VANGL2: variants seen among roughly 807,000 people sequenced by gnomAD.
VANGL2 encodes vang-like protein 2.
A neutral mutation model predicts 50.2 loss-of-function variants in VANGL2; 14 were observed. The ratio of observed to expected loss-of-function variants is 0.28; its 90% CI spans 0.18 to 0.44. The LOEUF (loss-of-function observed/expected upper bound fraction) is 0.44, where lower values mean the gene tolerates loss of function less well. Among genes scored for constraint, VANGL2 ranks in the 20% least tolerant of loss-of-function variants. The pLI is 1.00. For synonymous variants in VANGL2, 295 were observed against 297.2 expected (o/e 0.99, Z 0.08); for missense variants, 533 against 701.5 (o/e 0.76, Z 2.71).
chr1:160,423,489 C>G (rs373790307), intron 6 of VANGL2, among the ~76,000 whole-genome samples: 2 of 152,222 alleles, frequency 1.3e-5, no homozygotes, highest in Non-Finnish European at 2.9e-5. Flanking sequence ...TTTCAGTCCT[C>G]TTGTGAATTT....
rs1229234465 is a variant in VANGL2 at position 160,419,134 on chromosome 1, G to A, written c.325G>A (p.Val109Met). 1.2e-6 allele frequency: 2 copies of A among 1,614,204 alleles called. No individual in the cohort carries two copies. The highest frequency in any genetic ancestry group is 1.7e-5 in the Admixed American group (1 of 60,036). ...VPLDCSRHLG[V>M]AAGATLALLS... ...TCTGGACTGCTCCCGTCACCTGGGT[G>A]TGGCAGCGGGGGCCACCCTGGCACT... The change falls in exon 4 of 8, where the codon GTG becomes ATG. Residue 109 changes from valine (V) to methionine (M), a missense_variant. Physicochemically the swap from Val to Met is conservative, Grantham distance 21. Transcript: ENST00000368061. The surrounding 1 kb of genome is among the most constrained non-coding windows in gnomAD (Gnocchi z 5.8).
chr1:160,410,008 G>A (rs2101952795), intron 1 of VANGL2, among the ~76,000 whole-genome samples: 1 of 152,322 alleles, frequency 6.6e-6, no homozygotes, highest in Non-Finnish European at 1.5e-5. Context: ...GAAGACCCAG[G>A]CTCCTGAGTA....
intron 1 of VANGL2, among the ~76,000 whole-genome samples, chr1:160,408,817 T>C (rs1009652692): frequency 2.0e-5 from 3 of 152,144 alleles, no homozygotes; most frequent in African/African-American, 7.2e-5. Flanking sequence ...TTTCAGGGTT[T>C]AGGAATGAGG....
intron 5 of VANGL2, 37 bp from the exon 6 acceptor site, chr1:160,421,015 C>A: frequency 6.2e-7 from 1 of 1,613,580 alleles, no homozygotes; most frequent in South Asian, 1.1e-5. Context: ...AGGCCACACT[C>A]TGATGTGACC....
At position 160,427,275 on chromosome 1, in the gene VANGL2, A is replaced by C. The variant is rs1571251859; in HGVS notation, c.*1897A>C. ...CAGGGCCTGGATGGTGACTGGGGTCATTGCCTTTGTGGACAGGATGGAGTG... is the reference window on the plus strand; with the variant it reads ...CAGGGCCTGGATGGTGACTGGGGTCCTTGCCTTTGTGGACAGGATGGAGTG... On this transcript the variant is annotated 3_prime_UTR_variant, in exon 8 of 8. Transcript: ENST00000368061. 3 of 152,752 alleles carry C rather than the reference A, an allele frequency of 2.0e-5. No homozygotes were observed. In the South Asian group the frequency reaches 6.2e-4, roughly 32 times the overall value. The allele number at this position is 152,752 out of a possible 1,614,324, so 9.5% of individuals were successfully genotyped here.
chr1:160,414,515 G>A (rs887949950), intron 1 of VANGL2, among the ~76,000 whole-genome samples: 1 of 152,130 alleles, frequency 6.6e-6, no homozygotes, highest in Non-Finnish European at 1.5e-5. Context: ...CTTACTCCAT[G>A]GGTGTCTCTC....
chr1:160,424,067 G>A lies in VANGL2; in HGVS notation c.1089G>A (p.Val363=). ...TGTCCCCTAGGCTTGTAGTGGCGGTGGAGGAGGCCTTCACTCACATTAAGC... is the reference window on the plus strand; with the variant it reads ...TGTCCCCTAGGCTTGTAGTGGCGGTAGAGGAGGCCTTCACTCACATTAAGC... The part of the protein sequence containing the change: ...RKRRARLVVA[V]EEAFTHIKRL... Residue 363 remains valine (V), a synonymous_variant, in exon 7 of 8, where the codon GTG becomes GTA. Coordinates refer to ENST00000368061, the MANE Select transcript of VANGL2 (RefSeq NM_020335.3). The A allele has an allele frequency of 6.2e-7, 1 of 1,614,034 alleles. No homozygotes were observed. The highest frequency in any genetic ancestry group is 8.5e-7 in the Non-Finnish European group (1 of 1,179,902).
At chr1:160,421,705 T>C (rs1242386868) in intron 6 of VANGL2, among the ~76,000 whole-genome samples, 1 of 152,190 alleles carries the variant, frequency 6.6e-6, no homozygotes, top group Non-Finnish European at 1.5e-5. Context: ...CTGCAAAATG[T>C]ACCAAGATTG....
At chr1:160,401,490 G>A (rs1650461621) in intron 1 of VANGL2, among the ~76,000 whole-genome samples, 1 of 152,100 alleles carries the variant, frequency 6.6e-6, no homozygotes, top group South Asian at 2.1e-4. Flanking sequence ...TACCCATCTG[G>A]GGGACTGTGG....
intron 3 of VANGL2, 109 bp downstream of exon 3, chr1:160,416,291 C>T (rs1273640133): frequency 1.3e-6 from 2 of 1,577,482 alleles, no homozygotes; most frequent in African/African-American, 1.3e-5. Flanking sequence ...CTCAGACAGC[C>T]ATCAGATCGG....
intron 1 of VANGL2, among the ~76,000 whole-genome samples, chr1:160,410,735 C>A (rs1354403117): frequency 6.6e-6 from 1 of 152,098 alleles, no homozygotes; most frequent in Non-Finnish European, 1.5e-5. Flanking sequence ...GCCCTGCTCC[C>A]TCTGCCTGTT....
rs528151412 is a variant in VANGL2 at position 160,419,908 on chromosome 1, G to A, written c.800+299G>A. 4.0e-5 allele frequency among the ~76,000 whole-genome samples: 6 copies of A among 148,298 alleles called. No individual in the cohort carries two copies. Among genetic ancestry groups the A allele is most frequent in the African/African-American group, 1.2e-4 (5 of 40,476 alleles). ...GACCAAAGGGAAGAAATATGGGGGG[G>A]TGCACAAACAGGGGCTTTTTGGAAT... On this transcript the variant is annotated intron_variant, in intron 4 of 7. Coordinates refer to ENST00000368061, the MANE Select transcript of VANGL2 (RefSeq NM_020335.3). This position sits in a 1 kb window ranked among gnomAD's most constrained non-coding sequence, Gnocchi z 5.8.
At chr1:160,401,221 T>C (rs1309333997) in intron 1 of VANGL2, among the ~76,000 whole-genome samples, 1 of 151,446 alleles carries the variant, frequency 6.6e-6, no homozygotes, top group Non-Finnish European at 1.5e-5. Context: ...GGAGCTTGTG[T>C]TGGAGGTGGG....
intron 1 of VANGL2, among the ~76,000 whole-genome samples, chr1:160,414,529 G>T (rs1007694891): frequency 1.3e-5 from 2 of 152,160 alleles, no homozygotes; most frequent in Non-Finnish European, 2.9e-5. Context: ...GTCTCTCATA[G>T]TTTGCTGTTC....
At chr1:160,402,785 G>T (rs1376040989) in intron 1 of VANGL2, among the ~76,000 whole-genome samples, 1 of 152,016 alleles carries the variant, frequency 6.6e-6, no homozygotes, top group African/African-American at 2.4e-5. Flanking sequence ...AGAAGCCACA[G>T]CTCCCTTCTC....
At chr1:160,410,369 C>G (rs561845669) in intron 1 of VANGL2, among the ~76,000 whole-genome samples, 1 of 152,230 alleles carries the variant, frequency 6.6e-6, no homozygotes, top group Non-Finnish European at 1.5e-5. Context: ...CTTCCGTGGC[C>G]TACTCACCCT....
rs559155676 is a variant in VANGL2 at position 160,427,573 on chromosome 1, A to C, written c.*2195A>C. On this transcript the variant is annotated 3_prime_UTR_variant, in exon 8 of 8. Transcript: ENST00000368061. ...TTTTTTCATTATTATTATTATTATT[A>C]TTATTATTATTACTATTGTTTTTTA... is the stretch of plus-strand genomic sequence containing the variant. 2.7e-4 allele frequency: 40 copies of C among 149,646 alleles called. No individual in the cohort carries two copies. The highest frequency in any genetic ancestry group is 9.6e-4 in the African/African-American group (39 of 40,816). The allele number at this position is 149,646 out of a possible 1,614,324, so 9.3% of individuals were successfully genotyped here.
chr1:160,408,302 G>A (rs1650754405), intron 1 of VANGL2, among the ~76,000 whole-genome samples: 1 of 152,054 alleles, frequency 6.6e-6, no homozygotes, highest in Non-Finnish European at 1.5e-5. Flanking sequence ...TATGCGTATG[G>A]GTGGGTATTT....
chr1:160,412,356 C>A (rs1163421975), intron 1 of VANGL2, among the ~76,000 whole-genome samples: 2 of 151,996 alleles, frequency 1.3e-5, no homozygotes, highest in African/African-American at 4.8e-5. Flanking sequence ...CCCTTCTCTA[C>A]CCCCATGTCA....
Sources: allele counts gnomAD v4.1 joint callset (sites outside exome capture counted in the v4.1 genomes callset), GRCh38; gene constraint gnomAD v4.1.1; non-coding constraint Gnocchi (gnomAD v3.1); transcripts MANE v1.5; gene names NCBI Gene and HGNC (gene_info 2026-07-23, HGNC 2026-07-21).